SSPN: variants seen among roughly 807,000 people sequenced by gnomAD.
The protein encoded by SSPN is sarcospan, also known as K-ras oncogene-associated protein.
Under a neutral mutation model 19.1 loss-of-function variants are expected in SSPN, and 15 were observed. The ratio of observed to expected loss-of-function variants is 0.78; its 90% CI spans 0.52 to 1.21. The LOEUF is 1.21. Among genes scored for constraint, SSPN ranks in the 50% most tolerant of loss-of-function variants. The pLI, the probability that SSPN is intolerant of heterozygous loss-of-function variation, is 0.00. For missense variants in SSPN, 291 were observed against 314.0 expected (o/e 0.93, Z 0.55); for synonymous variants, 147 against 140.3 (o/e 1.05, Z -0.34).
At chr12:26,163,073 G>C (rs1944599903) in intron 1 of SSPN, among the ~76,000 whole-genome samples, 1 of 147,894 alleles carries the variant, frequency 6.8e-6, no homozygotes, top group Non-Finnish European at 1.5e-5. Flanking sequence ...GTGTGTGTGT[G>C]TGTCTGCTAA....
At chr12:26,210,251 T>G (rs1944971042) in intron 1 of SSPN, among the ~76,000 whole-genome samples, 1 of 152,082 alleles carries the variant, frequency 6.6e-6, no homozygotes, top group African/African-American at 2.4e-5. Context: ...TCATTTTATT[T>G]ATAAATATTT....
chr12:26,122,393 C>T (rs1944316983), intron 1 of SSPN: 3 of 1,253,634 alleles, frequency 2.4e-6, no homozygotes, highest in Non-Finnish European at 3.0e-6. Context: ...GGTACAGATA[C>T]TTCTCCAGGC....
intron 1 of SSPN, among the ~76,000 whole-genome samples, chr12:26,159,310 G>A (rs150458596): frequency 1.5e-4 from 23 of 152,382 alleles, no homozygotes; most frequent in Non-Finnish European, 3.1e-4. Context: ...TAGTCATGCA[G>A]GCAGGAGTTT....
chr12:26,195,436 G>A (rs951868749), upstream of SSPN: 8 of 663,838 alleles, frequency 1.2e-5, no homozygotes, highest in Non-Finnish European at 1.7e-5. Flanking sequence ...ATCCTGCCCG[G>A]GGCCCGGCAG....
intron 1 of SSPN, among the ~76,000 whole-genome samples, chr12:26,137,636 G>GTATGTGTATATA (rs1555175654): frequency 1.3e-4 from 4 of 31,380 alleles, no homozygotes; most frequent in Admixed American, 1.4e-3. Context: ...GTGTGTGTAT[G>GTATGTGTATATA]TATATATATA....
At chr12:26,173,501 C>A (rs1273023047) in intron 1 of SSPN, among the ~76,000 whole-genome samples, 1 of 152,136 alleles carries the variant, frequency 6.6e-6, no homozygotes, top group Non-Finnish European at 1.5e-5. Flanking sequence ...TTTCTTTTTC[C>A]ATTGTCCAGA....
At chr12:26,200,346 C>T (rs962416329) in intron 1 of SSPN, among the ~76,000 whole-genome samples, 2 of 152,074 alleles carry the variant, frequency 1.3e-5, no homozygotes, top group African/African-American at 2.4e-5. Flanking sequence ...TAACAGTTTT[C>T]GTATGTTAAC....
At chr12:26,155,044 T>C (rs1254052596) in intron 1 of SSPN, among the ~76,000 whole-genome samples, 1 of 152,212 alleles carries the variant, frequency 6.6e-6, no homozygotes, top group African/African-American at 2.4e-5. Flanking sequence ...ATCAGACTAC[T>C]AGAGGACATC....
chr12:26,169,475 AT>A (rs556762402), intron 1 of SSPN, among the ~76,000 whole-genome samples: 213 of 152,238 alleles, frequency 1.4e-3, no homozygotes, highest in African/African-American at 5.0e-3. Context: ...TCAAAATAGG[AT>A]TTTCAAACAG....
chr12:26,124,426 G>A, intron 1 of SSPN: 1 of 1,383,344 alleles, frequency 7.2e-7, no homozygotes, highest in Non-Finnish European at 1.0e-6. Context: ...TCAGGGGCTG[G>A]AATATATTTG....
At chr12:26,197,005 T>C (rs889882200) in intron 1 of SSPN, among the ~76,000 whole-genome samples, 74 of 152,214 alleles carry the variant, frequency 4.9e-4, no homozygotes, top group African/African-American at 1.6e-3. Flanking sequence ...AAACAACACT[T>C]TGAAGTGGGA....
At chr12:26,182,594 C>CTTCCCTTCCCTTCCCTTCCT (rs1479534029) in intron 1 of SSPN, among the ~76,000 whole-genome samples, 8 of 40,590 alleles carry the variant, frequency 2.0e-4, no homozygotes, top group Admixed American at 1.2e-3. Context: ...CTTCCCTTCC[C>CTTCCCTTCCCTTCCCTTCCT]TTCCCTTCCC....
At chr12:26,123,574 C>T (rs1357093223) in intron 1 of SSPN, 4 of 1,236,490 alleles carry the variant, frequency 3.2e-6, no homozygotes, top group Non-Finnish European at 4.8e-6. Context: ...TGACACTGCT[C>T]CCCTGTGGGC....
At chr12:26,211,152 C>T (rs567803999) in intron 1 of SSPN, 10 of 152,206 alleles carry the variant, frequency 6.6e-5, no homozygotes, top group Admixed American at 2.0e-4. Flanking sequence ...ACTGTTCAGC[C>T]CAGTTTTCAT....
At chr12:26,215,759 T>C (rs1945041207) in intron 1 of SSPN, among the ~76,000 whole-genome samples, 1 of 152,212 alleles carries the variant, frequency 6.6e-6, no homozygotes, top group Non-Finnish European at 1.5e-5. Flanking sequence ...TTAGAGATGT[T>C]CCTCAAACCA....
intron 1 of SSPN, among the ~76,000 whole-genome samples, chr12:26,204,277 G>C (rs1355488857): frequency 6.6e-6 from 1 of 152,132 alleles, no homozygotes; most frequent in Non-Finnish European, 1.5e-5. Flanking sequence ...TGCCAGTAGT[G>C]AGACATATGG....
intron 1 of SSPN, among the ~76,000 whole-genome samples, chr12:26,182,743 G>A (rs1489862183): frequency 6.8e-6 from 1 of 147,530 alleles, no homozygotes; most frequent in Admixed American, 7.0e-5. Context: ...TTTTAAATAT[G>A]TGGAGTCTTT....
chr12:26,155,785 T>C (rs1228759577), intron 1 of SSPN, among the ~76,000 whole-genome samples: 2 of 152,206 alleles, frequency 1.3e-5, no homozygotes, highest in Non-Finnish European at 2.9e-5. Context: ...GCTAAGCTTT[T>C]CCCAGGTACC....
upstream of SSPN, among the ~76,000 whole-genome samples, chr12:26,190,613 A>G (rs1158178014): frequency 6.6e-6 from 1 of 152,220 alleles, no homozygotes; most frequent in East Asian, 1.9e-4. Context: ...GTGATTTGTT[A>G]TTGTAGCAAT....
Sources: gnomAD v4.1 joint callset for allele counts (sites outside exome capture counted in the v4.1 genomes callset) on GRCh38, gnomAD v4.1.1 for gene constraint, MANE v1.5 for transcripts, NCBI Gene and HGNC (gene_info 2026-07-23, HGNC 2026-07-21) for gene names.